The following RSBN1 variants were observed in gnomAD, a reference collection of about 807,000 sequenced individuals.
RSBN1 encodes lysine-specific demethylase 9.
A neutral mutation model predicts 74.8 loss-of-function variants in RSBN1; 23 were observed. The ratio of observed to expected loss-of-function variants is 0.31; its 90% CI spans 0.22 to 0.44. The LOEUF (loss-of-function observed/expected upper bound fraction) is 0.44. Ranked by LOEUF, RSBN1 falls within the 20% of genes least tolerant of loss-of-function variation. RSBN1 has a pLI of 1.00. For synonymous variants in RSBN1, 407 were observed against 379.6 expected (o/e 1.07, Z -0.84); for missense variants, 808 against 1,020.9 (o/e 0.79, Z 2.84).
intron 2 of RSBN1, among the ~76,000 whole-genome samples, chr1:113,780,957 T>C (rs1182875266): frequency 6.6e-6 from 1 of 152,204 alleles, no homozygotes; most frequent in Admixed American, 6.5e-5. Context: ...CTACGTTTTT[T>C]TCTCAGTATC....
rs1328410315 is a variant in RSBN1 at position 113,766,704 on chromosome 1, A to C, written c.1936-251T>G. On this transcript the variant is annotated intron_variant, in intron 6 of 6. Transcript: ENST00000261441. ...TCAGAATGGCTTAGAGAATCATTTAAGTATTTCAAAGTACAGCTAAGTATC... is the reference window on the plus strand; with the variant it reads ...TCAGAATGGCTTAGAGAATCATTTACGTATTTCAAAGTACAGCTAAGTATC... 4.6e-5 allele frequency among the ~76,000 whole-genome samples: 7 copies of C among 152,226 alleles called. No individual in the cohort carries two copies. The East Asian group carries it at 1.3e-3, about 29-fold the overall frequency.
At chr1:113,777,130 G>A (rs1660048428) in intron 4 of RSBN1, 80 bp downstream of exon 4, 4 of 1,339,182 alleles carry the variant, frequency 3.0e-6, no homozygotes, top group Non-Finnish European at 3.1e-6. Flanking sequence ...AAGACAAATG[G>A]TTTTCAAACT....
intron 3 of RSBN1, 31 bp downstream of exon 3, chr1:113,777,640 C>A (rs1660058098): frequency 6.3e-7 from 1 of 1,586,392 alleles, no homozygotes; most frequent in South Asian, 1.1e-5. Flanking sequence ...AAGTAAAGAT[C>A]AAAACTTTAA....
At chr1:113,768,464 T>A in intron 4 of RSBN1, 75 bp from the exon 5 acceptor site, 1 of 1,184,704 alleles carries the variant, frequency 8.4e-7, no homozygotes, top group Non-Finnish European at 1.2e-6. Context: ...TTAATAGCAG[T>A]AAGGCAAAAA....
intron 1 of RSBN1, among the ~76,000 whole-genome samples, chr1:113,808,597 C>G (rs528197924): frequency 6.6e-6 from 1 of 152,036 alleles, no homozygotes; most frequent in East Asian, 1.9e-4. Flanking sequence ...CTTTCTTATA[C>G]GGGAATGATT....
In RSBN1 at chr1:113,812,459, G is replaced by T; in HGVS notation, c.-47C>A. 6.6e-7 allele frequency: 1 copy of T among 1,521,374 alleles called. No individual in the cohort carries two copies. The highest frequency in any genetic ancestry group is 1.4e-5 in the African/African-American group (1 of 72,930). The allele number at this position is 1,521,374 out of a possible 1,614,324, so 94.2% of individuals were successfully genotyped here. ...CTTTTCTCCGCAGGCCTCTCCAACCGAGCTTCTATTGTAAAGCACCCTATG... is the reference window on the plus strand; with the variant it reads ...CTTTTCTCCGCAGGCCTCTCCAACCTAGCTTCTATTGTAAAGCACCCTATG... On this transcript the variant is annotated 5_prime_UTR_variant, in exon 1 of 7. Coordinates refer to ENST00000261441, the MANE Select transcript of RSBN1 (RefSeq NM_018364.5).
intron 1 of RSBN1, among the ~76,000 whole-genome samples, chr1:113,806,784 T>G (rs1054116829): frequency 7.0e-6 from 1 of 142,700 alleles, no homozygotes; most frequent in African/African-American, 2.6e-5. Context: ...GAGGATCACT[T>G]AAGCCCAGGA....
rs1659753101 is a variant in RSBN1 at position 113,765,029 on chromosome 1, T to C, written c.*951A>G. 6.6e-6 allele frequency: 1 copy of C among 152,318 alleles called. No homozygotes were observed. The allele number at this position is 152,318 out of a possible 1,614,324, so 9.4% of individuals were successfully genotyped here. ...ACTGTGAATTGAAGTGTCTCAGTAG[T>C]AGATATTTATCATGAAGAGGTTGAT... On this transcript the variant is annotated 3_prime_UTR_variant, in exon 7 of 7. Transcript: ENST00000261441.
chr1:113,800,714 G>A (rs1217380), intron 1 of RSBN1, among the ~76,000 whole-genome samples: 116,631 of 151,972 alleles, frequency 0.77, 45,686 homozygotes, highest in African/African-American at 0.9. Context: ...CACATTTTCT[G>A]TATTACTATC....
intron 2 of RSBN1, among the ~76,000 whole-genome samples, chr1:113,795,597 T>C (rs1443045296): frequency 6.6e-6 from 1 of 152,210 alleles, no homozygotes; most frequent in East Asian, 1.9e-4. Context: ...GTCCTCAATA[T>C]TCTTATGTGG....
intron 4 of RSBN1, among the ~76,000 whole-genome samples, chr1:113,769,496 T>G (rs530499763): frequency 2.0e-5 from 3 of 152,300 alleles, no homozygotes; most frequent in African/African-American, 7.2e-5. Context: ...GAATTAGCCA[T>G]GAGTTGACAG....
At chr1:113,801,386 A>C (rs570320552) in intron 1 of RSBN1, among the ~76,000 whole-genome samples, 1 of 152,344 alleles carries the variant, frequency 6.6e-6, no homozygotes, top group African/African-American at 2.4e-5. Context: ...ACAAATCTCC[A>C]TGAGTAAACA....
Position 113,765,863 on chromosome 1 carries a change from T to C in RSBN1, c.*117A>G, listed in dbSNP as rs1659768800. On this transcript the variant is annotated 3_prime_UTR_variant, in exon 7 of 7. Coordinates refer to ENST00000261441, the MANE Select transcript of RSBN1 (RefSeq NM_018364.5). ...CTTGACATTTGTGGAATGTCATTTC[T>C]CTTTATAGAATTATAGGCAAGATTT... 1 of 730,486 alleles carries C rather than the reference T, an allele frequency of 1.4e-6. No individual in the cohort carries two copies. Among genetic ancestry groups the C allele is most frequent in the Non-Finnish European group, 2.2e-6 (1 of 454,172 alleles). The allele number at this position is 730,486 out of a possible 1,614,324, so 45.3% of individuals were successfully genotyped here.
chr1:113,773,422 G>A (rs1482416570), intron 4 of RSBN1, among the ~76,000 whole-genome samples: 1 of 152,206 alleles, frequency 6.6e-6, no homozygotes, highest in East Asian at 1.9e-4. Context: ...TACCTGGGAG[G>A]CTGAGGCATG....
At chr1:113,783,595 C>CT (rs1456347805) in intron 2 of RSBN1, among the ~76,000 whole-genome samples, 5 of 152,310 alleles carry the variant, frequency 3.3e-5, no homozygotes, top group African/African-American at 1.2e-4. Context: ...GCTAGGCTCC[C>CT]TGACAGCTAA....
intron 2 of RSBN1, among the ~76,000 whole-genome samples, chr1:113,780,412 T>G (rs1571299457): frequency 1.3e-5 from 2 of 152,336 alleles, no homozygotes; most frequent in East Asian, 3.9e-4. Context: ...CAAACACCAC[T>G]AAACTCAACA....
chr1:113,771,873 A>ATG (rs1485206909), intron 4 of RSBN1, among the ~76,000 whole-genome samples: 1 of 148,244 alleles, frequency 6.7e-6, no homozygotes, highest in Non-Finnish European at 1.5e-5. Flanking sequence ...ACACTTTTTT[A>ATG]TGTTCCTACC....
rs752951127 is a variant in RSBN1 at position 113,766,021 on chromosome 1, G to A, written c.2368C>T (p.Gln790Ter). 1.1e-5 allele frequency: 18 copies of A among 1,613,650 alleles called. No homozygotes were observed. The Admixed American group carries it at 2.7e-4, about 24-fold the overall frequency. Reference protein sequence around the residue: ...LKVESRLDSDQQHNLQEHSTT... With the variant: ...LKVESRLDSD ...GAATGTTCTTGCAGATTGTGTTGCT[G>A]GTCAGAGTCCAGTCTACTTTCCACT... The change falls in exon 7 of 7, where the codon CAG becomes TAG. Residue 790 changes from glutamine to a stop codon, truncating the protein, a stop_gained. Coordinates refer to ENST00000261441, the MANE Select transcript of RSBN1 (RefSeq NM_018364.5). LOFTEE classifies it high-confidence loss of function.
At chr1:113,783,360 T>C (rs531618262) in intron 2 of RSBN1, among the ~76,000 whole-genome samples, 2 of 152,026 alleles carry the variant, frequency 1.3e-5, no homozygotes, top group Admixed American at 1.3e-4. Context: ...AATGCAAATG[T>C]TTGTGATACA....
Sources: allele counts gnomAD v4.1 joint callset (sites outside exome capture counted in the v4.1 genomes callset), GRCh38; gene constraint gnomAD v4.1.1; transcripts MANE v1.5; gene names NCBI Gene and HGNC (gene_info 2026-07-23, HGNC 2026-07-21).